Variants in ZFAND2A observed in about 807,000 individuals in gnomAD.
ZFAND2A encodes the protein AN1-type zinc finger protein 2A.
In ZFAND2A, 20 loss-of-function variants were observed where a neutral mutation model predicts 11.6. The observed-to-expected ratio is 1.72, with a 90% CI of 1.21 to 2.50. ZFAND2A has a LOEUF of 2.50. ZFAND2A is among the 30% of genes most tolerant of loss of function. ZFAND2A has a pLI of 0.00. For synonymous variants in ZFAND2A, 93 were observed against 60.6 expected, an observed-to-expected ratio of 1.54 and a Z score of -2.48; for missense variants, 234 against 182.9, an observed-to-expected ratio of 1.28 and a Z score of -1.61.
chr7:1,159,537 G>A lies in ZFAND2A; in HGVS notation c.-46+427C>T, dbSNP rs1320119834. On this transcript the variant is annotated intron_variant, in intron 1 of 4. Coordinates refer to ENST00000316495, the MANE Select transcript of ZFAND2A (RefSeq NM_182491.4). Reference sequence around the variant, plus strand: ...CAGACAGCCGGACCCCCAACAGCCAGACCCCGGCAGGCCCGGTCCCCAGCA... The same window carrying A: ...CAGACAGCCGGACCCCCAACAGCCAAACCCCGGCAGGCCCGGTCCCCAGCA... Among the ~76,000 whole-genome samples the A allele has an allele frequency of 3.7e-5, 4 of 109,576 alleles. No individual in the cohort carries two copies. The East Asian group carries it at 1.1e-3, about 29-fold the overall frequency. 71.9% of individuals were successfully genotyped at this position (109,576 alleles called of 152,430 possible).
rs962319095 is a variant in ZFAND2A at position 1,160,040 on chromosome 7, T to C, written c.-122A>G. The C allele has an allele frequency of 2.0e-5, 3 of 153,652 alleles. No homozygotes were observed. The highest frequency in any genetic ancestry group is 7.2e-5 in the African/African-American group (3 of 41,438). The allele number at this position is 153,652 out of a possible 1,614,324, so 9.5% of individuals were successfully genotyped here. On this transcript the variant is annotated 5_prime_UTR_variant, in exon 1 of 5. Transcript: ENST00000316495. ...ACGTAAACTCAGGTGTCCTCCTCCG[T>C]AGTCGGCTCCGGGTAGCTAAGCAGA...
intron 1 of ZFAND2A, among the ~76,000 whole-genome samples, chr7:1,158,624 T>A (rs1470082863): frequency 6.6e-6 from 1 of 152,212 alleles, no homozygotes; most frequent in East Asian, 1.9e-4. Flanking sequence ...ACTCTGTTAC[T>A]AGGTGCTAAA....
rs779030395 is a variant in ZFAND2A at position 1,157,767 on chromosome 7, A to G, written c.56-17T>C. The G allele has an allele frequency of 1.3e-6, 2 of 1,533,284 alleles. No individual in the cohort carries two copies. Among genetic ancestry groups the G allele is most frequent in the South Asian group, 1.2e-5 (1 of 81,208 alleles). The allele number at this position is 1,533,284 out of a possible 1,614,324, so 95.0% of individuals were successfully genotyped here. A position where few individuals can be genotyped will look rare whatever the true frequency, so the allele number is the denominator to read the frequency against. ...GAAGAAAATCTAAAAAACAAAAAAC[A>G]GGGAAGTGTTTTAACGACTGGAACA... On this transcript the variant is annotated splice_polypyrimidine_tract_variant and intron_variant, in intron 2 of 4. Transcript: ENST00000316495.
intron 4 of ZFAND2A, among the ~76,000 whole-genome samples, chr7:1,155,157 G>A (rs547094628): frequency 1.6e-4 from 25 of 152,076 alleles, no homozygotes; most frequent in Non-Finnish European, 3.4e-4. Flanking sequence ...CAAATGAAAC[G>A]CACATGAACA....
At chr7:1,156,735 G>T (rs1448125816) in intron 3 of ZFAND2A, among the ~76,000 whole-genome samples, 1 of 152,264 alleles carries the variant, frequency 6.6e-6, no homozygotes, top group African/African-American at 2.4e-5. Context: ...GAGCACACCC[G>T]TCTACAGCCC....
At chr7:1,153,276 C>G (rs753445533) in intron 4 of ZFAND2A, 52 bp from the exon 5 acceptor site, 1 of 1,586,024 alleles carries the variant, frequency 6.3e-7, no homozygotes, top group East Asian at 2.2e-5. Context: ...GAGACAGGGT[C>G]TCGCTCTGTT....
downstream of ZFAND2A, among the ~76,000 whole-genome samples, chr7:1,149,427 C>G (rs1273663274): frequency 2.0e-5 from 3 of 152,224 alleles, no homozygotes; most frequent in East Asian, 5.8e-4. Context: ...CACCTCAGAC[C>G]ACAGAACCAG....
At chr7:1,152,759 C>T (rs528129716), downstream of ZFAND2A, 161 of 503,246 alleles carry the variant, frequency 3.2e-4, 1 homozygote, top group Middle Eastern at 2.2e-3. Flanking sequence ...CGATGCTCCC[C>T]GCAGCCCTCA....
At chr7:1,154,484 C>T (rs749308254) in intron 4 of ZFAND2A, among the ~76,000 whole-genome samples, 1 of 152,130 alleles carries the variant, frequency 6.6e-6, no homozygotes, top group African/African-American at 2.4e-5. Context: ...GAGCCCCCAG[C>T]AAGGGAAGCT....
downstream of ZFAND2A, chr7:1,152,485 A>T: frequency 9.7e-7 from 1 of 1,034,644 alleles, no homozygotes; most frequent in Non-Finnish European, 1.4e-6. Context: ...GTTGAGGCAA[A>T]TACAGATGCT....
chr7:1,149,696 A>G (rs985823923), downstream of ZFAND2A, among the ~76,000 whole-genome samples: 1 of 152,138 alleles, frequency 6.6e-6, no homozygotes, highest in Non-Finnish European at 1.5e-5. Context: ...CCAGGCTACA[A>G]ATGCGTGCAG....
chr7:1,153,100 T>C lies in ZFAND2A; in HGVS notation c.407A>G (p.His136Arg), dbSNP rs1242466228. The change falls in exon 5 of 5, where the codon CAC (histidine) becomes CGC (arginine). Residue 136 changes from histidine to arginine, a missense_variant. Coordinates refer to ENST00000316495, the MANE Select transcript of ZFAND2A (RefSeq NM_182491.4). The stretch of plus-strand genomic sequence containing the variant: ...AGCTTTGATGGTGGGGCGACTCCCG[T>C]GTCTGCAGCTGTGGTCCAAAGGGTG... ...HRHPLDHSCR[H>R]GSRPTIKAG The C allele has an allele frequency of 6.2e-7, 1 of 1,614,072 alleles. No homozygotes were observed. The highest frequency in any genetic ancestry group is 8.5e-7 in the Non-Finnish European group (1 of 1,180,034).
downstream of ZFAND2A, chr7:1,152,326 G>A (rs143994065): frequency 4.0e-3 from 6,326 of 1,577,578 alleles, 32 homozygotes; most frequent in Middle Eastern, 0.016. Flanking sequence ...TGGATTCAGA[G>A]ACTGTCATGG....
chr7:1,150,400 G>A (rs1244315651), downstream of ZFAND2A, among the ~76,000 whole-genome samples: 2 of 152,046 alleles, frequency 1.3e-5, no homozygotes, highest in African/African-American at 4.8e-5. Context: ...GGATGGCCAG[G>A]GCAGTTCAGA....
chr7:1,153,167 C>A lies in ZFAND2A; in HGVS notation c.340G>T (p.Val114Leu). 2 of 1,614,168 alleles carry A rather than the reference C, an allele frequency of 1.2e-6. No individual in the cohort carries two copies. The highest frequency in any genetic ancestry group is 1.7e-5 in the Admixed American group (1 of 60,028). ...AAGTTGCCGTGACATTGGGCACATACCATCTGCAGCATCTCTTTCTTCTTG... is the reference window on the plus strand; with the variant it reads ...AAGTTGCCGTGACATTGGGCACATAACATCTGCAGCATCTCTTTCTTCTTG... ...GCKKKEMLQM[V>L]CAQCHGNFCI... The change falls in exon 5 of 5, where the codon GTA becomes TTA. Residue 114 changes from valine (V) to leucine (L), a missense_variant. By Grantham distance (32) the Val-to-Leu change is conservative. Coordinates refer to ENST00000316495, the MANE Select transcript of ZFAND2A (RefSeq NM_182491.4).
intron 4 of ZFAND2A, among the ~76,000 whole-genome samples, chr7:1,154,900 A>G (rs1182966931): frequency 6.6e-6 from 1 of 152,072 alleles, no homozygotes; most frequent in Admixed American, 6.6e-5. Context: ...CGGGCAGATC[A>G]TAAGGTGAGG....
chr7:1,152,852 C>A, downstream of ZFAND2A: 1 of 749,414 alleles, frequency 1.3e-6, no homozygotes. Flanking sequence ...TGGTTTGAGC[C>A]ACCCAGTTTT....
Position 1,157,630 on chromosome 7 carries a change from AATCTTTTGAACAAAGG to A in ZFAND2A, c.150+10_150+25del. 1 of 1,571,554 alleles carries A rather than the reference AATCTTTTGAACAAAGG, an allele frequency of 6.4e-7. No individual in the cohort carries two copies. The highest frequency in any genetic ancestry group is 2.3e-5 in the East Asian group (1 of 43,080). ...TGCAGCTTCAGACGGTGAAGATGAG[AATCTTTTGAACAAAGG>A]ATCAATTACCTTCTGGAATGCAAAC... is the stretch of plus-strand genomic sequence containing the variant. On this transcript the variant is annotated intron_variant, in intron 3 of 4. Coordinates refer to ENST00000316495, the MANE Select transcript of ZFAND2A (RefSeq NM_182491.4).
In ZFAND2A at chr7:1,158,224, T is replaced by C. The variant is rs1319465515; in HGVS notation, c.-12A>G. ...TCAGGAAACTCCATTATGAGAACAG[T>C]GCTCAAAACGCAGATGGCGGAGTTA... On this transcript the variant is annotated 5_prime_UTR_variant, in exon 2 of 5. Coordinates refer to ENST00000316495, the MANE Select transcript of ZFAND2A (RefSeq NM_182491.4). The C allele has an allele frequency of 6.2e-7, 1 of 1,613,682 alleles. No homozygotes were observed.
Sources: gnomAD v4.1 joint callset for allele counts (sites outside exome capture counted in the v4.1 genomes callset) on GRCh38, gnomAD v4.1.1 for gene constraint, MANE v1.5 for transcripts, NCBI Gene and HGNC (gene_info 2026-07-23, HGNC 2026-07-21) for gene names.